SLC25A24: variants seen among roughly 807,000 people sequenced by gnomAD.
The protein encoded by SLC25A24 is solute carrier family 25 member 24.
A neutral mutation model predicts 60.7 loss-of-function variants in SLC25A24; 49 were observed. That is an observed-to-expected ratio of 0.81 (90% CI 0.64 to 1.02). The LOEUF (loss-of-function observed/expected upper bound fraction) is 1.02, where lower values mean the gene tolerates loss of function less well. SLC25A24 is among the 50% of genes least tolerant of loss of function. The pLI, the probability that SLC25A24 is intolerant of heterozygous loss-of-function variation, is 0.00. For synonymous variants in SLC25A24, 202 were observed against 200.6 expected (o/e 1.01, Z -0.06); for missense variants, 564 against 586.3 (o/e 0.96, Z 0.39).
At chr1:108,174,156 T>G (rs1647581889) in intron 3 of SLC25A24, among the ~76,000 whole-genome samples, 1 of 152,212 alleles carries the variant, frequency 6.6e-6, no homozygotes, top group African/African-American at 2.4e-5. Flanking sequence ...CCAGGGCACT[T>G]CAGAGGTCTT....
chr1:108,183,470 G>A (rs940785031), intron 2 of SLC25A24, among the ~76,000 whole-genome samples: 14 of 152,102 alleles, frequency 9.2e-5, no homozygotes, highest in African/African-American at 3.4e-4. Context: ...GTTCCTACAG[G>A]AAAAACAGGG....
rs1679940053 is a variant in SLC25A24, at chr1:108,157,631, GA to G, written c.511-12del. On this transcript the variant is annotated splice_polypyrimidine_tract_variant and intron_variant, in intron 4 of 9. Coordinates refer to ENST00000565488, the MANE Select transcript of SLC25A24 (RefSeq NM_013386.5). ...CCCTATGTCAATTCCCTGTAAAAAT[GA>G]AAAAAAGATCCCCATGCGCCTTAGT... is the stretch of plus-strand genomic sequence containing the variant. 1 of 1,603,330 alleles carries G rather than the reference GA, an allele frequency of 6.2e-7. No individual in the cohort carries two copies. The highest frequency in any genetic ancestry group is 2.2e-5 in the East Asian group (1 of 44,768).
At chr1:108,158,573 T>C (rs1273132211) in intron 4 of SLC25A24, among the ~76,000 whole-genome samples, 1 of 152,112 alleles carries the variant, frequency 6.6e-6, no homozygotes, top group African/African-American at 2.4e-5. Flanking sequence ...GAGAAGGCAC[T>C]AATCACCAAC....
chr1:108,193,020 T>C (rs1208843600), intron 1 of SLC25A24, among the ~76,000 whole-genome samples: 1 of 139,422 alleles, frequency 7.2e-6, no homozygotes, highest in East Asian at 2.6e-4. Flanking sequence ...CATCTGAAAG[T>C]ATAGCTTCTC....
chr1:108,180,963 TATAAGA>T (rs2101637025), intron 3 of SLC25A24, among the ~76,000 whole-genome samples: 1 of 152,358 alleles, frequency 6.6e-6, no homozygotes, highest in East Asian at 1.9e-4. Flanking sequence ...CTCACTTTCC[TATAAGA>T]ATATTACTTT....
At chr1:108,138,300 C>A (rs553977062) in intron 9 of SLC25A24, among the ~76,000 whole-genome samples, 129 of 152,270 alleles carry the variant, frequency 8.5e-4, no homozygotes, top group African/African-American at 2.9e-3. Flanking sequence ...GACTGCTTGG[C>A]TGGGGTTGCT....
At chr1:108,154,220 TG>T (rs5776930) in intron 6 of SLC25A24, among the ~76,000 whole-genome samples, 4 of 150,714 alleles carry the variant, frequency 2.7e-5, no homozygotes, top group Admixed American at 6.6e-5. Context: ...ACAAAAACTA[TG>T]GGGGGGGAGT....
rs114771768 is a variant in SLC25A24 at position 108,185,940 on chromosome 1, A to T, written c.198T>A (p.Thr66=). The change falls in exon 2 of 10, where the codon ACT becomes ACA. Residue 66 remains threonine, a synonymous_variant. Coordinates refer to ENST00000565488, the MANE Select transcript of SLC25A24 (RefSeq NM_013386.5). ...GQDAEEKIFT[T]GDVNKDGKLD... Reference sequence around the variant, plus strand: ...GCTTCCCATCTTTGTTGACATCTCCAGTAGTAAAAATTTTCTATAAAAAAA... The same window carrying T: ...GCTTCCCATCTTTGTTGACATCTCCTGTAGTAAAAATTTTCTATAAAAAAA... The T allele has an allele frequency of 1.1e-3, 1,771 of 1,584,500 alleles. 14 individuals are homozygous for T. The African/African-American group carries it at 0.022, about 19-fold the overall frequency.
intron 3 of SLC25A24, among the ~76,000 whole-genome samples, chr1:108,166,526 C>A (rs1167642278): frequency 6.7e-6 from 1 of 148,964 alleles, no homozygotes; most frequent in Non-Finnish European, 1.5e-5. Context: ...CTTCCCTTCT[C>A]GCTTCATTTC....
At chr1:108,192,661 C>G in intron 1 of SLC25A24, 1 of 1,481,898 alleles carries the variant, frequency 6.7e-7, no homozygotes, top group Non-Finnish European at 9.0e-7. Context: ...CTGAGTGAGC[C>G]CCAGCGGGGT....
chr1:108,181,935 G>T lies in SLC25A24; in HGVS notation c.398+6C>A. On this transcript the variant is annotated splice_donor_region_variant and intron_variant, in intron 3 of 9. Coordinates refer to ENST00000565488, the MANE Select transcript of SLC25A24 (RefSeq NM_013386.5). Reference sequence around the variant, plus strand: ...AGTCAATTGTTGACCAACATGAAGAGCTTACCTTTGAAGAATCAACTCTGC... The same window carrying T: ...AGTCAATTGTTGACCAACATGAAGATCTTACCTTTGAAGAATCAACTCTGC... The T allele has an allele frequency of 6.3e-7, 1 of 1,594,378 alleles. No individual in the cohort carries two copies. The highest frequency in any genetic ancestry group is 8.6e-7 in the Non-Finnish European group (1 of 1,162,860).
intron 3 of SLC25A24, among the ~76,000 whole-genome samples, chr1:108,164,865 G>A (rs1386069561): frequency 1.0e-5 from 1 of 95,838 alleles, no homozygotes; most frequent in Admixed American, 1.0e-4. Context: ...TGCTTTTCTA[G>A]TTCTTTTAAT....
intron 6 of SLC25A24, among the ~76,000 whole-genome samples, chr1:108,150,157 T>C (rs12729559): frequency 0.24 from 36,370 of 152,092 alleles, 4,506 homozygotes; most frequent in Middle Eastern, 0.28. Context: ...CTTTTATACC[T>C]TGGACCCCCA....
At chr1:108,175,616 G>A (rs1031829270) in intron 3 of SLC25A24, among the ~76,000 whole-genome samples, 1 of 152,024 alleles carries the variant, frequency 6.6e-6, no homozygotes, top group Non-Finnish European at 1.5e-5. Context: ...ATTGAGCCAG[G>A]GAAGTTGAGG....
chr1:108,158,167 T>C (rs1571288038), intron 4 of SLC25A24, among the ~76,000 whole-genome samples: 1 of 152,220 alleles, frequency 6.6e-6, no homozygotes, highest in Non-Finnish European at 1.5e-5. Flanking sequence ...AATATTTTTA[T>C]AAATCTGACT....
At chr1:108,161,668 T>G (rs1370992265) in intron 3 of SLC25A24, among the ~76,000 whole-genome samples, 1 of 152,254 alleles carries the variant, frequency 6.6e-6, no homozygotes, top group African/African-American at 2.4e-5. Flanking sequence ...AGATAATTCT[T>G]AATGTTCTAT....
chr1:108,147,442 T>C (rs974172468), intron 7 of SLC25A24, among the ~76,000 whole-genome samples: 3 of 152,180 alleles, frequency 2.0e-5, no homozygotes, highest in Non-Finnish European at 2.9e-5. Context: ...CTACTTCTTG[T>C]CTTCCGCTAT....
chr1:108,180,335 A>T (rs111901093), intron 3 of SLC25A24, among the ~76,000 whole-genome samples: 1 of 151,934 alleles, frequency 6.6e-6, no homozygotes, highest in African/African-American at 2.4e-5. Context: ...ATTGCACTCC[A>T]GCCTGGGCAA....
At chr1:108,158,667 T>C (rs184899629) in intron 4 of SLC25A24, among the ~76,000 whole-genome samples, 2 of 150,142 alleles carry the variant, frequency 1.3e-5, no homozygotes, top group Non-Finnish European at 3.0e-5. Flanking sequence ...ATATTTAATT[T>C]AGTCAAATCT....
Sources: allele counts gnomAD v4.1 joint callset (sites outside exome capture counted in the v4.1 genomes callset), GRCh38; gene constraint gnomAD v4.1.1; transcripts MANE v1.5; gene names NCBI Gene and HGNC (gene_info 2026-07-23, HGNC 2026-07-21).